The following MDM4 variants were observed in gnomAD, a reference collection of about 807,000 sequenced individuals.
MDM4 encodes the protein protein Mdm4.
MDM4 carries 2 observed loss-of-function variants against 60.2 expected under a neutral mutation model. The ratio of observed to expected loss-of-function variants is 0.03; its 90% CI spans 0.01 to 0.10. MDM4 has a LOEUF of 0.10. Ranked by LOEUF, MDM4 falls within the 10% of genes least tolerant of loss-of-function variation. The pLI, the probability that MDM4 is intolerant of heterozygous loss-of-function variation, is 1.00. For missense variants in MDM4, 447 were observed against 577.5 expected, an observed-to-expected ratio of 0.77 and a Z score of 2.32; for synonymous variants, 202 against 198.1, an observed-to-expected ratio of 1.02 and a Z score of -0.17.
intron 1 of MDM4, among the ~76,000 whole-genome samples, chr1:204,517,098 A>G (rs890788035): frequency 1.3e-5 from 2 of 151,728 alleles, no homozygotes; most frequent in Non-Finnish European, 2.9e-5. Flanking sequence ...AAAATATTAG[A>G]TGTGTGTGGT....
intron 1 of MDM4, among the ~76,000 whole-genome samples, chr1:204,521,226 A>G (rs1659541086): frequency 6.6e-6 from 1 of 152,200 alleles, no homozygotes; most frequent in Non-Finnish European, 1.5e-5. Context: ...CAATTATCTA[A>G]TGCTATGGAA....
intron 4 of MDM4, among the ~76,000 whole-genome samples, 177 bp from the exon 5 acceptor site, chr1:204,532,014 A>C (rs1381379629): frequency 6.6e-6 from 1 of 152,230 alleles, no homozygotes; most frequent in Non-Finnish European, 1.5e-5. Context: ...CTGGGCATTA[A>C]CATCTTAATA....
chr1:204,539,457 G>T (rs893536201), intron 7 of MDM4, among the ~76,000 whole-genome samples: 1 of 151,408 alleles, frequency 6.6e-6, no homozygotes, highest in African/African-American at 2.4e-5. Context: ...GTACTAGGAT[G>T]GTGCAAGACC....
At chr1:204,529,317 G>C in intron 3 of MDM4, 4 of 773,448 alleles carry the variant, frequency 5.2e-6, no homozygotes, top group Non-Finnish European at 4.7e-6. Context: ...TGTGATCAGA[G>C]TCACCGACTG....
chr1:204,530,948 G>A, intron 4 of MDM4, 131 bp downstream of exon 4: 2 of 1,179,850 alleles, frequency 1.7e-6, no homozygotes, highest in Non-Finnish European at 2.4e-6. Flanking sequence ...TAGCCTATGA[G>A]GCACTGAGAA....
intron 3 of MDM4, chr1:204,529,567 C>CA: frequency 6.9e-7 from 1 of 1,448,712 alleles, no homozygotes; most frequent in South Asian, 1.3e-5. Flanking sequence ...TAGCCACCAC[C>CA]AGGGGGTAGC....
At chr1:204,536,961 G>A (rs187906835) in intron 5 of MDM4, 222 of 389,432 alleles carry the variant, frequency 5.7e-4, no homozygotes, top group African/African-American at 4.5e-3. Context: ...TGAAGCAAAC[G>A]GGGAAAAATC....
chr1:204,550,722 C>T lies in MDM4; in HGVS notation c.*1040C>T, dbSNP rs372276829. On this transcript the variant is annotated 3_prime_UTR_variant, in exon 11 of 11. Coordinates refer to ENST00000367182, the MANE Select transcript of MDM4 (RefSeq NM_002393.5). ...CCAGCTAATTAAAATAATTTGTAGA[C>T]GGTGTCTCGTTATGTTGCCCAGGCT... is the stretch of plus-strand genomic sequence containing the variant. The T allele has an allele frequency of 4.2e-5, 7 of 166,472 alleles. No homozygotes were observed. The highest frequency in any genetic ancestry group is 3.2e-4 in the East Asian group (3 of 9,456). 10.3% of individuals were successfully genotyped at this position (166,472 alleles called of 1,614,324 possible). A position where few individuals can be genotyped will look rare whatever the true frequency, so the allele number is the denominator to read the frequency against.
rs756864864 is a variant in MDM4, at chr1:204,557,929, T to C, written c.*8247T>C. On this transcript the variant is annotated 3_prime_UTR_variant, in exon 11 of 11. Transcript: ENST00000367182. ...CTAATAATAATAATAATAATAATAATAACAACAACTTATTGAATGTGGCCA... is the reference window on the plus strand; with the variant it reads ...CTAATAATAATAATAATAATAATAACAACAACAACTTATTGAATGTGGCCA... The C allele has an allele frequency of 1.1e-4, 18 of 170,978 alleles. No individual in the cohort carries two copies. Among genetic ancestry groups the C allele is most frequent in the Non-Finnish European group, 1.8e-4 (15 of 81,158 alleles). The allele number at this position is 170,978 out of a possible 1,614,324, so 10.6% of individuals were successfully genotyped here. A position where few individuals can be genotyped will look rare whatever the true frequency, so the allele number is the denominator to read the frequency against.
chr1:204,536,216 C>T (rs2102384182), intron 5 of MDM4, among the ~76,000 whole-genome samples: 1 of 152,310 alleles, frequency 6.6e-6, no homozygotes, highest in East Asian at 1.9e-4. Context: ...TGCGCCACTG[C>T]TCTCCAGCCA....
intron 8 of MDM4, among the ~76,000 whole-genome samples, chr1:204,543,412 C>T (rs1662331574): frequency 6.6e-6 from 1 of 152,208 alleles, no homozygotes; most frequent in Non-Finnish European, 1.5e-5. Context: ...CAGCCCCCTC[C>T]TTCCTCACTT....
intron 3 of MDM4, chr1:204,529,602 C>G: frequency 3.2e-6 from 4 of 1,265,750 alleles, no homozygotes; most frequent in African/African-American, 1.5e-5. Context: ...CCCTCCACTA[C>G]TGGGGGGGGT....
chr1:204,547,780 A>G (rs923417042), intron 10 of MDM4, among the ~76,000 whole-genome samples: 4 of 152,242 alleles, frequency 2.6e-5, no homozygotes, highest in East Asian at 1.9e-4. Context: ...TTGGAATGCA[A>G]TGGCATAATC....
At chr1:204,525,960 G>A (rs1209364496) in intron 2 of MDM4, among the ~76,000 whole-genome samples, 1 of 151,968 alleles carries the variant, frequency 6.6e-6, no homozygotes, top group East Asian at 1.9e-4. Context: ...AAAAGTAGGG[G>A]AGGTGGGGGT....
At chr1:204,520,327 T>A (rs1659446200) in intron 1 of MDM4, among the ~76,000 whole-genome samples, 1 of 149,276 alleles carries the variant, frequency 6.7e-6, no homozygotes, top group Non-Finnish European at 1.5e-5. Flanking sequence ...GGAATTAATC[T>A]ATGTTAGTGG....
intron 7 of MDM4, among the ~76,000 whole-genome samples, chr1:204,540,351 T>A (rs539354528): frequency 5.3e-5 from 8 of 152,270 alleles, no homozygotes; most frequent in African/African-American, 1.9e-4. Flanking sequence ...ATGCAAATAT[T>A]CCAAATCCAG....
Position 204,556,315 on chromosome 1 carries a change from T to C in MDM4, c.*6633T>C, listed in dbSNP as rs1219644852. On this transcript the variant is annotated 3_prime_UTR_variant, in exon 11 of 11. Coordinates refer to ENST00000367182, the MANE Select transcript of MDM4 (RefSeq NM_002393.5). Reference sequence around the variant, plus strand: ...GGAAGCTGTGATGGCAGAGCTACTATCTAATAAAGTAACAACTCGTAGTTG... The same window carrying C: ...GGAAGCTGTGATGGCAGAGCTACTACCTAATAAAGTAACAACTCGTAGTTG... 8.8e-6 allele frequency: 2 copies of C among 226,980 alleles called. No individual in the cohort carries two copies. The highest frequency in any genetic ancestry group is 1.1e-4 in the Admixed American group (2 of 17,548). 14.1% of individuals were successfully genotyped at this position (226,980 alleles called of 1,614,324 possible). A position where few individuals can be genotyped will look rare whatever the true frequency, so the allele number is the denominator to read the frequency against.
In MDM4 at chr1:204,549,254, A is replaced by G. The variant is rs1346731264; in HGVS notation, c.1045A>G (p.Ile349Val). 7.4e-6 allele frequency: 12 copies of G among 1,614,088 alleles called. No individual in the cohort carries two copies. The highest frequency in any genetic ancestry group is 1.3e-5 in the African/African-American group (1 of 74,926). ...HSLSTSDITA[I>V]PEKENEGNDV... Reference sequence around the variant, plus strand: ...TCTCTCCACGTCTGATATCACTGCCATACCTGAAAAGGAAAATGAAGGAAA... The same window carrying G: ...TCTCTCCACGTCTGATATCACTGCCGTACCTGAAAAGGAAAATGAAGGAAA... Residue 349 changes from isoleucine to valine, a missense_variant, in exon 11 of 11, where the codon ATA becomes GTA. Transcript: ENST00000367182.
At chr1:204,526,008 A>G (rs1207724048) in intron 2 of MDM4, among the ~76,000 whole-genome samples, 3 of 152,076 alleles carry the variant, frequency 2.0e-5, no homozygotes, top group Admixed American at 2.0e-4. Context: ...TAATCCCAGC[A>G]CTTCGGGAGG....
Sources: allele counts gnomAD v4.1 joint callset (sites outside exome capture counted in the v4.1 genomes callset), GRCh38; gene constraint gnomAD v4.1.1; transcripts MANE v1.5; gene names NCBI Gene and HGNC (gene_info 2026-07-23, HGNC 2026-07-21).